SIN3B: variants seen among roughly 807,000 people sequenced by gnomAD.
SIN3B encodes the protein paired amphipathic helix protein Sin3b.
A neutral mutation model predicts 120.2 loss-of-function variants in SIN3B; 19 were observed. The observed-to-expected ratio is 0.16, with a 90% CI of 0.11 to 0.23. The LOEUF is 0.23. Among genes scored for constraint, SIN3B ranks in the 10% least tolerant of loss-of-function variants. The probability of loss-of-function intolerance (pLI) is 1.00; values close to 1 mark genes in which losing one functional copy is unlikely to be tolerated. For synonymous variants in SIN3B, 654 were observed against 653.2 expected (o/e 1.00, Z -0.02); for missense variants, 1,073 against 1,573.0 (o/e 0.68, Z 5.38).
chr19:16,872,898 C>T (rs1291871468), intron 14 of SIN3B, among the ~76,000 whole-genome samples: 2 of 152,152 alleles, frequency 1.3e-5, no homozygotes, highest in Non-Finnish European at 2.9e-5. Context: ...ACCCCCGATT[C>T]CGTCCACCTG....
intron 14 of SIN3B, among the ~76,000 whole-genome samples, chr19:16,875,121 GGTTTTGGTTT>G: frequency 6.9e-6 from 1 of 145,392 alleles, no homozygotes; most frequent in Non-Finnish European, 1.5e-5. Context: ...GGTCTGGTTT[GGTTTTGGTTT>G]GGTCTGGTCT....
At chr19:16,875,358 T>G (rs1173491855) in intron 14 of SIN3B, among the ~76,000 whole-genome samples, 1 of 142,724 alleles carries the variant, frequency 7.0e-6, no homozygotes, top group Non-Finnish European at 1.5e-5. Context: ...TCTGGTCTGT[T>G]TGGTCTGGTC....
At chr19:16,857,553 G>GCGTGTGTGTGTGTGTA (rs1971633405) in intron 8 of SIN3B, among the ~76,000 whole-genome samples, 1 of 139,446 alleles carries the variant, frequency 7.2e-6, no homozygotes, top group Non-Finnish European at 1.6e-5. Context: ...GTGTGTGTGT[G>GCGTGTGTGTGTGTGTA]TATATATACA....
intron 3 of SIN3B, among the ~76,000 whole-genome samples, chr19:16,833,967 C>T (rs908960258): frequency 3.3e-5 from 5 of 152,044 alleles, no homozygotes; most frequent in Admixed American, 1.3e-4. Flanking sequence ...CCCCGTGATT[C>T]GCCCACCTCT....
chr19:16,849,345 C>T (rs138281409), intron 5 of SIN3B, among the ~76,000 whole-genome samples: 2 of 152,306 alleles, frequency 1.3e-5, no homozygotes, highest in Admixed American at 6.5e-5. Flanking sequence ...AGCTTGAAAG[C>T]AGTCATGGAA....
intron 8 of SIN3B, among the ~76,000 whole-genome samples, chr19:16,860,429 C>T (rs1021045674): frequency 9.9e-5 from 15 of 152,066 alleles, no homozygotes; most frequent in Non-Finnish European, 1.8e-4. Flanking sequence ...TTCCTTCCTA[C>T]GTTTCCATCG....
chr19:16,867,171 G>A (rs545543142), intron 12 of SIN3B, among the ~76,000 whole-genome samples: 7 of 152,180 alleles, frequency 4.6e-5, no homozygotes, highest in South Asian at 4.1e-4. Context: ...GCCAGGCACC[G>A]GTGTTAGCAA....
At chr19:16,855,913 C>T (rs924551720) in intron 8 of SIN3B, among the ~76,000 whole-genome samples, 4 of 151,758 alleles carry the variant, frequency 2.6e-5, no homozygotes, top group African/African-American at 7.3e-5. Flanking sequence ...AAAAATTCGC[C>T]GGGGGTGGTG....
Position 16,875,891 on chromosome 19 carries a change from T to C in SIN3B, c.2593-164T>C, listed in dbSNP as rs2051597723. ...CTGGTCTGGTCTGGTCTGGTCTGTT[T>C]GGTCTGGTCTGCCCACAGCCTGTCA... is the stretch of plus-strand genomic sequence containing the variant. On this transcript the variant is annotated intron_variant, in intron 14 of 18. Transcript: ENST00000248054. 3.7e-6 allele frequency: 3 copies of C among 804,128 alleles called. No homozygotes were observed. The South Asian group carries it at 5.4e-5, about 14-fold the overall frequency. The allele number at this position is 804,128 out of a possible 1,614,324, so 49.8% of individuals were successfully genotyped here.
At chr19:16,865,678 C>T in intron 11 of SIN3B, 30 bp downstream of exon 11, 1 of 1,432,938 alleles carries the variant, frequency 7.0e-7, no homozygotes, top group Non-Finnish European at 9.6e-7. Context: ...CTTCCCTTCC[C>T]CTTCCCCTTC....
intron 3 of SIN3B, among the ~76,000 whole-genome samples, chr19:16,841,370 C>T (rs1971414455): frequency 6.6e-6 from 1 of 152,136 alleles, no homozygotes; most frequent in African/African-American, 2.4e-5. Flanking sequence ...CAGCAGTTGC[C>T]TTTCCACGTG....
chr19:16,869,308 C>G (rs961870812), intron 12 of SIN3B, 152 bp from the exon 13 acceptor site: 2 of 976,526 alleles, frequency 2.0e-6, no homozygotes, highest in Non-Finnish European at 3.0e-6. Context: ...ACCCCCCAGG[C>G]CCTGCTGCCT....
At chr19:16,863,017 C>T in intron 9 of SIN3B, 1 of 1,475,930 alleles carries the variant, frequency 6.8e-7, no homozygotes, top group African/African-American at 1.4e-5. Flanking sequence ...GGCCCGCTGC[C>T]CGTGTTTGTA....
At chr19:16,830,898 G>T (rs747799572) in intron 2 of SIN3B, among the ~76,000 whole-genome samples, 1 of 152,158 alleles carries the variant, frequency 6.6e-6, no homozygotes, top group African/African-American at 2.4e-5. Context: ...CAGGCCTTGC[G>T]GTTGGCTCTC....
At chr19:16,835,126 A>T (rs967012266) in intron 3 of SIN3B, among the ~76,000 whole-genome samples, 2 of 151,104 alleles carry the variant, frequency 1.3e-5, no homozygotes, top group East Asian at 1.9e-4. Flanking sequence ...GGGTTTCTCC[A>T]TATTGGTCAG....
chr19:16,829,812 C>T lies in SIN3B; in HGVS notation c.142C>T (p.Leu48=). ...GCAGGTAGAAGACGCCCTCACCTAT[C>T]TGGACCAGGTGAAGATCCGCTTTGG... The part of the protein sequence containing the change: ...PVHVEDALTY[L]DQVKIRFGSD... The change falls in exon 2 of 19, where the codon CTG becomes TTG. Residue 48 remains leucine, a synonymous_variant. Coordinates refer to ENST00000248054, the MANE Select transcript of SIN3B (RefSeq NM_001297595.2). 10 of 1,613,450 alleles carry T rather than the reference C, an allele frequency of 6.2e-6. No homozygotes were observed. The highest frequency in any genetic ancestry group is 6.8e-6 in the Non-Finnish European group (8 of 1,179,564).
At position 16,865,433 on chromosome 19, in the gene SIN3B, C is replaced by T. The variant is rs1232849828; in HGVS notation, c.1407C>T (p.Asn469=). 12 of 1,604,912 alleles carry T rather than the reference C, an allele frequency of 7.5e-6. No individual in the cohort carries two copies. The highest frequency in any genetic ancestry group is 9.4e-6 in the Non-Finnish European group (11 of 1,172,516). Residue 469 remains asparagine, a synonymous_variant, in exon 11 of 19, where the codon AAC becomes AAT. Coordinates refer to ENST00000248054, the MANE Select transcript of SIN3B (RefSeq NM_001297595.2). ...AGTTAGACGTTGTCCTGGAGACGAA[C>T]CTGGCCACAATCCGTGTGTTGGAAA... ...RFELDVVLET[N]LATIRVLESV... is the part of the protein sequence containing the mutation.
intron 1 of SIN3B, 50 bp from the exon 2 acceptor site, chr19:16,829,741 T>G: frequency 6.6e-7 from 1 of 1,506,684 alleles, no homozygotes; most frequent in Non-Finnish European, 9.2e-7. Context: ...CGGCCCCTCG[T>G]CCCCTCGTTC....
Position 16,876,518 on chromosome 19 carries a change from C to G in SIN3B, c.2799C>G (p.Ile933Met), listed in dbSNP as rs751515274. 6.2e-7 allele frequency: 1 copy of G among 1,613,456 alleles called. No individual in the cohort carries two copies. Among genetic ancestry groups the G allele is most frequent in the Non-Finnish European group, 8.5e-7 (1 of 1,179,922 alleles). Residue 933 changes from isoleucine to methionine, a missense_variant, in exon 16 of 19, where the codon ATC becomes ATG. Physicochemically the swap from Ile to Met is conservative, Grantham distance 10. Transcript: ENST00000248054. This position sits in a 1 kb window ranked among gnomAD's most constrained non-coding sequence, Gnocchi z 7.1. ...TCCTGCAGCGCAAAGGGCAGGTGAT[C>G]ATGACCATCGAGCTCCTGGACACCG... ...VMFLQRKGQVIMTIELLDTEE... is the reference protein window; with the variant it reads ...VMFLQRKGQVMMTIELLDTEE...
Sources: allele counts gnomAD v4.1 joint callset (sites outside exome capture counted in the v4.1 genomes callset), GRCh38; gene constraint gnomAD v4.1.1; non-coding constraint Gnocchi (gnomAD v3.1); transcripts MANE v1.5; gene names NCBI Gene and HGNC (gene_info 2026-07-23, HGNC 2026-07-21).